The following CACNA2D3 variants were observed in gnomAD, a reference collection of about 807,000 sequenced individuals.
The protein encoded by CACNA2D3 is calcium voltage-gated channel auxiliary subunit alpha2delta 3.
In CACNA2D3, 60 loss-of-function variants were observed where a neutral mutation model predicts 160.6. The observed-to-expected ratio is 0.37, with a 90% CI of 0.30 to 0.46. CACNA2D3 has a LOEUF of 0.46. CACNA2D3 is among the 20% of genes least tolerant of loss of function. CACNA2D3 has a pLI of 1.00. For missense variants in CACNA2D3, 1,205 were observed against 1,365.0 expected (o/e 0.88, Z 1.85); for synonymous variants, 558 against 492.9 (o/e 1.13, Z -1.75).
intron 17 of CACNA2D3, among the ~76,000 whole-genome samples, chr3:54,857,991 T>G (rs751258431): frequency 6.6e-6 from 1 of 151,990 alleles, no homozygotes; most frequent in Non-Finnish European, 1.5e-5. Context: ...TCTCGGCTGC[T>G]TTATTATTTG....
At chr3:54,660,664 C>A (rs1008433549) in intron 11 of CACNA2D3, among the ~76,000 whole-genome samples, 1 of 152,134 alleles carries the variant, frequency 6.6e-6, no homozygotes, top group African/African-American at 2.4e-5. Context: ...CTTACCTTAC[C>A]TTAATCATTT....
intron 4 of CACNA2D3, among the ~76,000 whole-genome samples, chr3:54,412,717 C>G (rs1699690429): frequency 6.8e-6 from 1 of 147,422 alleles, no homozygotes; most frequent in Non-Finnish European, 1.5e-5. Flanking sequence ...TATACTTTCT[C>G]TCTGTTTTTG....
chr3:54,467,192 A>G (rs1029034494), intron 4 of CACNA2D3, among the ~76,000 whole-genome samples: 10 of 152,228 alleles, frequency 6.6e-5, no homozygotes, highest in Non-Finnish European at 8.8e-5. Flanking sequence ...AAAGCAAAGC[A>G]TCAAATGCTG....
chr3:54,873,495 C>G (rs1044347023), intron 18 of CACNA2D3, among the ~76,000 whole-genome samples: 6 of 152,050 alleles, frequency 3.9e-5, no homozygotes, highest in African/African-American at 1.2e-4. Flanking sequence ...CACCTGTGCC[C>G]CAGCTAATTT....
intron 2 of CACNA2D3, among the ~76,000 whole-genome samples, chr3:54,130,102 A>G (rs919614487): frequency 1.8e-4 from 28 of 152,354 alleles, no homozygotes; most frequent in Middle Eastern, 3.4e-3. Context: ...CAAAATGCAG[A>G]ATCCCTTGTT....
chr3:54,846,097 A>T (rs984482118), intron 16 of CACNA2D3, among the ~76,000 whole-genome samples: 1 of 142,450 alleles, frequency 7.0e-6, no homozygotes, highest in African/African-American at 2.8e-5. Flanking sequence ...CTTTCTTGTT[A>T]AAAAAAAAAG....
At chr3:54,415,001 C>T (rs776607211) in intron 4 of CACNA2D3, among the ~76,000 whole-genome samples, 3 of 151,952 alleles carry the variant, frequency 2.0e-5, no homozygotes, top group African/African-American at 7.2e-5. Context: ...AGTGTGATTG[C>T]GGTGTTTCAG....
chr3:55,044,392 G>A (rs539123998), intron 35 of CACNA2D3, among the ~76,000 whole-genome samples: 30 of 151,832 alleles, frequency 2.0e-4, no homozygotes, highest in Non-Finnish European at 3.7e-4. Context: ...TTTCAATTAC[G>A]AACTGTTCAT....
In CACNA2D3 at chr3:54,309,621, A is replaced by G. The variant is rs370915750; in HGVS notation, c.205-10821A>G. Among the ~76,000 whole-genome samples the G allele has an allele frequency of 1.8e-3, 276 of 152,226 alleles. 11 individuals are homozygous for G. The South Asian group carries it at 0.054, about 30-fold the overall frequency. The stretch of plus-strand genomic sequence containing the variant: ...CACTCTAAAACAGCTAGTTGGGAGC[A>G]TGGGCTCTGGGGGCACTGGGCCTGG... On this transcript the variant is annotated intron_variant, in intron 2 of 37. Transcript: ENST00000474759.
At chr3:54,707,318 A>T (rs1303124770) in intron 11 of CACNA2D3, among the ~76,000 whole-genome samples, 1 of 152,200 alleles carries the variant, frequency 6.6e-6, no homozygotes, top group Non-Finnish European at 1.5e-5. Context: ...TATGTTTCCC[A>T]CATGTTATAT....
At chr3:54,562,727 A>G (rs1702346609) in intron 5 of CACNA2D3, 73 bp from the exon 6 acceptor site, 2 of 1,325,900 alleles carry the variant, frequency 1.5e-6, no homozygotes, top group Non-Finnish European at 2.1e-6. Context: ...TCTGCCAAGC[A>G]GCGTGGGATG....
chr3:54,803,988 T>C (rs986733112), intron 13 of CACNA2D3, among the ~76,000 whole-genome samples: 3 of 152,142 alleles, frequency 2.0e-5, no homozygotes, highest in African/African-American at 4.8e-5. Context: ...TAAAATCCTT[T>C]ACAGACAAGC....
rs764974348 is a variant in CACNA2D3, at chr3:54,927,753, CAT to C, written c.2449+27887_2449+27888del. On this transcript the variant is annotated intron_variant, in intron 27 of 37. Transcript: ENST00000474759. ...TTCCTCTGCACCCAACATGCGCAAACATAAATCATTCCATGCAGAGACATTTT... is the reference window on the plus strand; with the variant it reads ...TTCCTCTGCACCCAACATGCGCAAACAAATCATTCCATGCAGAGACATTTT... 2.6e-5 allele frequency: 22 copies of C among 849,780 alleles called. No homozygotes were observed. In the East Asian group the frequency reaches 2.7e-4, roughly 10 times the overall value. 52.6% of individuals were successfully genotyped at this position (849,780 alleles called of 1,614,324 possible). A position where few individuals can be genotyped will look rare whatever the true frequency, so the allele number is the denominator to read the frequency against.
chr3:54,364,480 G>A (rs182340064), intron 3 of CACNA2D3, among the ~76,000 whole-genome samples: 1 of 152,172 alleles, frequency 6.6e-6, no homozygotes, highest in South Asian at 2.1e-4. Flanking sequence ...AATGATGGAC[G>A]GCAATTTTAT....
intron 9 of CACNA2D3, among the ~76,000 whole-genome samples, chr3:54,584,635 A>G (rs949460023): frequency 6.6e-6 from 1 of 152,156 alleles, no homozygotes; most frequent in Non-Finnish European, 1.5e-5. Context: ...TTGTCTGGAA[A>G]CTCCCCCAAA....
At chr3:55,009,041 G>A (rs1575433727) in intron 33 of CACNA2D3, among the ~76,000 whole-genome samples, 1 of 152,140 alleles carries the variant, frequency 6.6e-6, no homozygotes, top group African/African-American at 2.4e-5. Context: ...TAAGGGAAGA[G>A]AAGCTTATTA....
At chr3:54,902,233 C>T (rs1177476620) in intron 27 of CACNA2D3, among the ~76,000 whole-genome samples, 1 of 152,172 alleles carries the variant, frequency 6.6e-6, no homozygotes, top group Non-Finnish European at 1.5e-5. Flanking sequence ...CGCTCCCAGG[C>T]CTGACCTGGT....
intron 13 of CACNA2D3, among the ~76,000 whole-genome samples, chr3:54,806,500 T>A (rs1431389232): frequency 2.6e-5 from 4 of 151,808 alleles, no homozygotes; most frequent in Admixed American, 6.6e-5. Flanking sequence ...TTACAAGGGA[T>A]GTGAAGGACC....
chr3:54,890,955 G>A (rs74888797), intron 24 of CACNA2D3, among the ~76,000 whole-genome samples: 2,865 of 152,262 alleles, frequency 0.019, 51 homozygotes, highest in Non-Finnish European at 0.03. Flanking sequence ...AATAAACTTG[G>A]TAGCTTTAAT....
Sources: gnomAD v4.1 joint callset for allele counts (sites outside exome capture counted in the v4.1 genomes callset) on GRCh38, gnomAD v4.1.1 for gene constraint, MANE v1.5 for transcripts, NCBI Gene and HGNC (gene_info 2026-07-23, HGNC 2026-07-21) for gene names.